CAMTA1: variants seen among roughly 807,000 people sequenced by gnomAD.
CAMTA1 encodes the protein calmodulin binding transcription activator 1.
Under a neutral mutation model 170.9 loss-of-function variants are expected in CAMTA1, and 27 were observed. The observed-to-expected ratio is 0.16, with a 90% CI of 0.12 to 0.22. The LOEUF is 0.22. Ranked by LOEUF, CAMTA1 falls within the 10% of genes least tolerant of loss-of-function variation. The probability of loss-of-function intolerance (pLI) is 1.00; values close to 1 mark genes in which losing one functional copy is unlikely to be tolerated. For missense variants in CAMTA1, 1,619 were observed against 2,217.2 expected, an observed-to-expected ratio of 0.73 and a Z score of 5.42; for synonymous variants, 833 against 891.5, an observed-to-expected ratio of 0.93 and a Z score of 1.17.
At position 7,727,115 on chromosome 1, in the gene CAMTA1, G is replaced by A. The variant is rs897083209; in HGVS notation, c.2915-5333G>A. Among the ~76,000 whole-genome samples the A allele has an allele frequency of 2.1e-5, 3 of 144,546 alleles. No homozygotes were observed. The East Asian group carries it at 5.9e-4, about 29-fold the overall frequency. 94.8% of individuals were successfully genotyped at this position (144,546 alleles called of 152,430 possible). On this transcript the variant is annotated intron_variant, in intron 11 of 22. Coordinates refer to ENST00000303635, the MANE Select transcript of CAMTA1 (RefSeq NM_015215.4). ...ATTCCTACTCCCCTTTCTCTGCCTT[G>A]TATTAATTTTTTTTTTTTTTTTTTT...
At chr1:7,072,215 G>A (rs1638741618) in intron 3 of CAMTA1, among the ~76,000 whole-genome samples, 1 of 152,152 alleles carries the variant, frequency 6.6e-6, no homozygotes, top group African/African-American at 2.4e-5. Context: ...GGTTCCATTA[G>A]CCACATGGGG....
chr1:7,596,492 A>G (rs898762729), intron 6 of CAMTA1, among the ~76,000 whole-genome samples: 15 of 152,148 alleles, frequency 9.9e-5, no homozygotes, highest in African/African-American at 3.6e-4. Context: ...TCCCTGTCCA[A>G]GGGGCCGTGA....
At chr1:7,258,813 G>C (rs2149346042) in intron 5 of CAMTA1, among the ~76,000 whole-genome samples, 1 of 152,210 alleles carries the variant, frequency 6.6e-6, no homozygotes, top group African/African-American at 2.4e-5. Context: ...GTGAATTTAT[G>C]CTCAGTCAGC....
At chr1:6,811,362 G>C (rs927238596) in intron 1 of CAMTA1, among the ~76,000 whole-genome samples, 4 of 152,144 alleles carry the variant, frequency 2.6e-5, no homozygotes, top group African/African-American at 7.2e-5. Context: ...TCATTATGTT[G>C]TATGTAGCTT....
At chr1:7,495,425 C>T (rs752768010) in intron 6 of CAMTA1, among the ~76,000 whole-genome samples, 8 of 152,134 alleles carry the variant, frequency 5.3e-5, no homozygotes, top group East Asian at 3.9e-4. Context: ...CATCAGAGCC[C>T]GATCTAAGAT....
chr1:7,433,947 AGGGGAGGGGGCCCT>A (rs1210485683), intron 5 of CAMTA1, among the ~76,000 whole-genome samples: 1 of 152,108 alleles, frequency 6.6e-6, no homozygotes, highest in Non-Finnish European at 1.5e-5. Flanking sequence ...ATTCAATGCA[AGGGGAGGGGGCCCT>A]GGTGGACGGG....
chr1:7,248,420 A>G lies in CAMTA1; in HGVS notation c.303-1071A>G, dbSNP rs757219227. ...GCTGAGAGTGAGGTGGCAAGCCTGC[A>G]CTGGCCTCGTGGTGCGCAGAATCGC... On this transcript the variant is annotated intron_variant, in intron 4 of 22. Coordinates refer to ENST00000303635, the MANE Select transcript of CAMTA1 (RefSeq NM_015215.4). This position sits in a 1 kb window ranked among gnomAD's most constrained non-coding sequence, Gnocchi z 4.0. Among the ~76,000 whole-genome samples the G allele has an allele frequency of 5.9e-5, 9 of 152,168 alleles. No individual in the cohort carries two copies. The highest frequency in any genetic ancestry group is 1.0e-4 in the Non-Finnish European group (7 of 68,016).
chr1:7,098,351 C>T (rs929560010), intron 4 of CAMTA1, among the ~76,000 whole-genome samples: 4 of 152,244 alleles, frequency 2.6e-5, no homozygotes, highest in Admixed American at 6.5e-5. Context: ...ACGTTAGGTG[C>T]GTGTCAGCAT....
At chr1:7,194,096 GA>G (rs1655067955) in intron 4 of CAMTA1, among the ~76,000 whole-genome samples, 1 of 152,208 alleles carries the variant, frequency 6.6e-6, no homozygotes. Context: ...CATATTAAAA[GA>G]ATTGTACCTA....
At chr1:7,339,501 C>T (rs574398982) in intron 5 of CAMTA1, among the ~76,000 whole-genome samples, 2 of 152,340 alleles carry the variant, frequency 1.3e-5, no homozygotes, top group Non-Finnish European at 2.9e-5. Flanking sequence ...CTAAGCCCTT[C>T]CTGCCCTGCT....
chr1:7,682,045 C>CT lies in CAMTA1; in HGVS notation c.2914+4313dup, dbSNP rs1352823633. On this transcript the variant is annotated intron_variant, in intron 11 of 22. Coordinates refer to ENST00000303635, the MANE Select transcript of CAMTA1 (RefSeq NM_015215.4). This position sits in a 1 kb window ranked among gnomAD's most constrained non-coding sequence, Gnocchi z 5.0. ...CCACTAAGCCGCTTAGACTTAGACT[C>CT]TATTTTCAGTGCTTCTCAGGCAACT... 6.6e-6 allele frequency among the ~76,000 whole-genome samples: 1 copy of CT among 151,852 alleles called. No homozygotes were observed. The highest frequency in any genetic ancestry group is 2.4e-5 in the African/African-American group (1 of 41,330).
chr1:7,004,018 G>C (rs956126010), intron 3 of CAMTA1, among the ~76,000 whole-genome samples: 1 of 152,208 alleles, frequency 6.6e-6, no homozygotes, highest in African/African-American at 2.4e-5. Context: ...GATGATTTCA[G>C]CACAAGAACG....
chr1:7,429,376 G>T (rs2092039526), intron 5 of CAMTA1, among the ~76,000 whole-genome samples: 1 of 152,136 alleles, frequency 6.6e-6, no homozygotes, highest in South Asian at 2.1e-4. Context: ...GGGCATAATG[G>T]TGGTGATGAT....
chr1:7,750,523 C>T (rs1430710150), intron 19 of CAMTA1, among the ~76,000 whole-genome samples: 1 of 152,242 alleles, frequency 6.6e-6, no homozygotes, highest in African/African-American at 2.4e-5. Flanking sequence ...CCTGGGCCTT[C>T]GTCCCTCACT....
chr1:7,347,298 C>CA (rs1338302165), intron 5 of CAMTA1, among the ~76,000 whole-genome samples: 1 of 152,168 alleles, frequency 6.6e-6, no homozygotes, highest in African/African-American at 2.4e-5. Flanking sequence ...CTCATTTTCT[C>CA]AAAGGAGAGC....
chr1:7,518,070 A>G (rs948996361), intron 6 of CAMTA1, among the ~76,000 whole-genome samples: 2 of 151,986 alleles, frequency 1.3e-5, no homozygotes, highest in Non-Finnish European at 1.5e-5. Flanking sequence ...TGAGTAGCTA[A>G]GTGGTGTCTG....
At chr1:7,135,213 C>T (rs529784832) in intron 4 of CAMTA1, among the ~76,000 whole-genome samples, 132 of 152,120 alleles carry the variant, frequency 8.7e-4, no homozygotes, top group Non-Finnish European at 1.7e-3. Context: ...ATGGTGAAAC[C>T]CTGTCTCTAC....
At chr1:7,057,020 T>C (rs190314988) in intron 3 of CAMTA1, among the ~76,000 whole-genome samples, 35 of 152,160 alleles carry the variant, frequency 2.3e-4, no homozygotes, top group Non-Finnish European at 3.8e-4. Context: ...CTGCATGGCA[T>C]AGGGCCAGGC....
intron 5 of CAMTA1, among the ~76,000 whole-genome samples, chr1:7,268,687 C>T (rs1669270981): frequency 6.6e-6 from 1 of 152,170 alleles, no homozygotes; most frequent in African/African-American, 2.4e-5. Flanking sequence ...CCTAACAAAG[C>T]TAAATCCAAA....
Sources: gnomAD v4.1 joint callset for allele counts (sites outside exome capture counted in the v4.1 genomes callset) on GRCh38, gnomAD v4.1.1 for gene constraint, Gnocchi (gnomAD v3.1) non-coding constraint, MANE v1.5 for transcripts, NCBI Gene and HGNC (gene_info 2026-07-23, HGNC 2026-07-21) for gene names.